THSD7A: variants seen among roughly 807,000 people sequenced by gnomAD.
THSD7A encodes the protein thrombospondin type 1 domain containing 7A, also known as thrombospondin type-1 domain-containing protein 7A.
In THSD7A, 96 loss-of-function variants were observed where a neutral mutation model predicts 231.3. That is an observed-to-expected ratio of 0.41 (90% CI 0.35 to 0.49). The LOEUF (loss-of-function observed/expected upper bound fraction) is 0.49. Ranked by LOEUF, THSD7A falls within the 20% of genes least tolerant of loss-of-function variation. THSD7A has a pLI of 0.05. For missense variants in THSD7A, 2,290 were observed against 2,070.2 expected (o/e 1.11, Z -2.06); for synonymous variants, 940 against 743.3 (o/e 1.26, Z -4.30).
At chr7:11,822,410 G>A (rs982261037) in intron 1 of THSD7A, among the ~76,000 whole-genome samples, 2 of 152,096 alleles carry the variant, frequency 1.3e-5, no homozygotes, top group South Asian at 2.1e-4. Flanking sequence ...GTATTATATT[G>A]TATACATATA....
At chr7:11,452,131 G>A (rs975322137) in intron 11 of THSD7A, among the ~76,000 whole-genome samples, 1 of 151,954 alleles carries the variant, frequency 6.6e-6, no homozygotes, top group Non-Finnish European at 1.5e-5. Flanking sequence ...TAGTGTCTGG[G>A]TAGCATTAGA....
At chr7:11,393,081 G>A (rs564608982) in intron 23 of THSD7A, among the ~76,000 whole-genome samples, 14 of 152,296 alleles carry the variant, frequency 9.2e-5, no homozygotes, top group Admixed American at 3.9e-4. Flanking sequence ...TGACCCCTGT[G>A]TCTTTGACTG....
intron 4 of THSD7A, among the ~76,000 whole-genome samples, chr7:11,568,271 G>C (rs946880996): frequency 6.6e-6 from 1 of 152,094 alleles, no homozygotes; most frequent in African/African-American, 2.4e-5. Context: ...ATGTGGGATG[G>C]GGAGTTCTTC....
intron 1 of THSD7A, among the ~76,000 whole-genome samples, chr7:11,741,844 C>T (rs1244344258): frequency 6.6e-6 from 1 of 151,828 alleles, no homozygotes; most frequent in Non-Finnish European, 1.5e-5. Context: ...TATAAAACTA[C>T]CTTAAGTTTG....
chr7:11,515,971 C>G (rs1479281603), intron 6 of THSD7A, among the ~76,000 whole-genome samples: 2 of 152,060 alleles, frequency 1.3e-5, no homozygotes, highest in African/African-American at 4.8e-5. Context: ...TTAAAGTATA[C>G]TGTGAATGAA....
intron 22 of THSD7A, among the ~76,000 whole-genome samples, chr7:11,404,261 C>G (rs964334092): frequency 6.6e-6 from 1 of 152,132 alleles, no homozygotes; most frequent in African/African-American, 2.4e-5. Flanking sequence ...AGGGCTTGAC[C>G]TGTAATTACA....
At chr7:11,667,994 T>G (rs1317294791) in intron 1 of THSD7A, among the ~76,000 whole-genome samples, 1 of 152,204 alleles carries the variant, frequency 6.6e-6, no homozygotes, top group African/African-American at 2.4e-5. Context: ...CATCATTTTG[T>G]GTACACAGGA....
At chr7:11,757,821 T>C (rs2128166946) in intron 1 of THSD7A, among the ~76,000 whole-genome samples, 1 of 151,824 alleles carries the variant, frequency 6.6e-6, no homozygotes, top group Admixed American at 6.6e-5. Flanking sequence ...ATAATTATTC[T>C]CTTACCCTCA....
chr7:11,577,703 A>G (rs1159691742), intron 4 of THSD7A, among the ~76,000 whole-genome samples: 2 of 151,522 alleles, frequency 1.3e-5, no homozygotes, highest in Non-Finnish European at 2.9e-5. Flanking sequence ...AAAGCTCCCT[A>G]TCTGGGCATT....
chr7:11,715,961 C>T (rs910128414), intron 1 of THSD7A, among the ~76,000 whole-genome samples: 21 of 151,554 alleles, frequency 1.4e-4, no homozygotes, highest in African/African-American at 5.1e-4. Flanking sequence ...GGGAGAAACC[C>T]ATATACCTTA....
intron 6 of THSD7A, among the ~76,000 whole-genome samples, chr7:11,516,604 C>T (rs1431387142): frequency 1.3e-5 from 2 of 152,182 alleles, no homozygotes; most frequent in Non-Finnish European, 2.9e-5. Flanking sequence ...CTGTCAATAA[C>T]ATTTTGGCTT....
At chr7:11,765,976 A>G (rs1783017448) in intron 1 of THSD7A, among the ~76,000 whole-genome samples, 1 of 152,212 alleles carries the variant, frequency 6.6e-6, no homozygotes, top group Non-Finnish European at 1.5e-5. Flanking sequence ...CTTTATAATT[A>G]TTTGGCAAAA....
At chr7:11,829,453 T>C (rs1785126885) in intron 1 of THSD7A, among the ~76,000 whole-genome samples, 1 of 152,172 alleles carries the variant, frequency 6.6e-6, no homozygotes, top group Non-Finnish European at 1.5e-5. Flanking sequence ...TTCTACAGCA[T>C]GTTAGTAACA....
intron 1 of THSD7A, chr7:11,820,533 C>G (rs940942575): frequency 2.7e-6 from 2 of 752,258 alleles, no homozygotes; most frequent in Non-Finnish European, 4.4e-6. Flanking sequence ...CTCCTCTTAC[C>G]GGTTTCTTTT....
At chr7:11,468,576 G>A (rs1311872910) in intron 9 of THSD7A, among the ~76,000 whole-genome samples, 2 of 152,144 alleles carry the variant, frequency 1.3e-5, no homozygotes. Context: ...GCTCGTGCCT[G>A]TAATCTCAGC....
intron 1 of THSD7A, chr7:11,821,372 C>A: frequency 1.8e-6 from 1 of 562,356 alleles, no homozygotes; most frequent in East Asian, 3.3e-5. Flanking sequence ...CTTTTTATCT[C>A]TTCTCCCTTG....
At chr7:11,765,061 T>C (rs1038339418) in intron 1 of THSD7A, among the ~76,000 whole-genome samples, 5 of 151,976 alleles carry the variant, frequency 3.3e-5, no homozygotes, top group African/African-American at 1.2e-4. Flanking sequence ...TAAATCTTTT[T>C]ATTAAAAGTG....
intron 14 of THSD7A, among the ~76,000 whole-genome samples, chr7:11,427,148 A>G (rs1562601015): frequency 6.6e-6 from 1 of 152,186 alleles, no homozygotes; most frequent in Non-Finnish European, 1.5e-5. Context: ...AGAAACTCAG[A>G]GACTGTTTTC....
At chr7:11,769,153 A>ATATATATATTTTTT in intron 1 of THSD7A, among the ~76,000 whole-genome samples, 1 of 27,660 alleles carries the variant, frequency 3.6e-5, no homozygotes, top group African/African-American at 1.2e-4. Flanking sequence ...ATATATATAT[A>ATATATATATTTTTT]TTTTTTTTTT....
Sources: gnomAD v4.1 joint callset for allele counts (sites outside exome capture counted in the v4.1 genomes callset) on GRCh38, gnomAD v4.1.1 for gene constraint, MANE v1.5 for transcripts, NCBI Gene and HGNC (gene_info 2026-07-23, HGNC 2026-07-21) for gene names.